ZNF516: variants seen among roughly 807,000 people sequenced by gnomAD.
ZNF516 encodes the protein zinc finger protein 516.
A neutral mutation model predicts 79.7 loss-of-function variants in ZNF516; 19 were observed. That is an observed-to-expected ratio of 0.24 (90% CI 0.17 to 0.35). ZNF516 has a LOEUF of 0.35. Among genes scored for constraint, ZNF516 ranks in the 10% least tolerant of loss-of-function variants. The pLI, the probability that ZNF516 is intolerant of heterozygous loss-of-function variation, is 1.00. For missense variants in ZNF516, 1,678 were observed against 1,679.5 expected, an observed-to-expected ratio of 1.00 and a Z score of 0.02; for synonymous variants, 877 against 739.5, an observed-to-expected ratio of 1.19 and a Z score of -3.02.
At chr18:76,399,043 T>G (rs2075183020) in intron 3 of ZNF516, among the ~76,000 whole-genome samples, 1 of 152,220 alleles carries the variant, frequency 6.6e-6, no homozygotes, top group Non-Finnish European at 1.5e-5. Context: ...GAAGGCGGAT[T>G]TCCCCGAGGC....
chr18:76,433,231 C>T (rs552734667), intron 3 of ZNF516, among the ~76,000 whole-genome samples: 1 of 152,324 alleles, frequency 6.6e-6, no homozygotes, highest in Admixed American at 6.5e-5. Context: ...GCTGAGTACT[C>T]CCGTGCAAAA....
chr18:76,442,150 G>A lies in ZNF516; in HGVS notation c.905C>T (p.Thr302Met). The A allele has an allele frequency of 6.2e-7, 1 of 1,613,928 alleles. No homozygotes were observed. The highest frequency in any genetic ancestry group is 8.5e-7 in the Non-Finnish European group (1 of 1,179,884). The change falls in exon 3 of 7, where the codon ACG becomes ATG. Residue 302 changes from threonine to methionine, a missense_variant. Around this residue, in one of 5 missense-constraint regions of ZNF516, gnomAD observed 1,294 missense variants for 1,248.3 expected, o/e 1.04. Transcript: ENST00000443185. Reference sequence around the variant, plus strand: ...ACTCTTGGGCCTGTTCTTGCTGCCCGTCTTGGGGCCGTGCGCCTTCATGTG... The same window carrying A: ...ACTCTTGGGCCTGTTCTTGCTGCCCATCTTGGGGCCGTGCGCCTTCATGTG... ...KNHMKAHGPK[T>M]GSKNRPKSEL... is the part of the protein sequence containing the mutation.
intron 3 of ZNF516, chr18:76,389,021 A>C (rs546605404): frequency 6.6e-6 from 1 of 152,490 alleles, no homozygotes; most frequent in South Asian, 2.1e-4. Context: ...GGCTTCTGGG[A>C]ACCAAGTAAT....
intron 2 of ZNF516, among the ~76,000 whole-genome samples, chr18:76,454,474 C>CT (rs1326639109): frequency 6.6e-6 from 1 of 152,172 alleles, no homozygotes; most frequent in Non-Finnish European, 1.5e-5. Context: ...AGCACATGTA[C>CT]TATAACCAGT....
At chr18:76,468,917 T>C (rs1426200059) in intron 1 of ZNF516, among the ~76,000 whole-genome samples, 1 of 152,176 alleles carries the variant, frequency 6.6e-6, no homozygotes, top group Non-Finnish European at 1.5e-5. Context: ...CTCCATTGTA[T>C]ATTATATGTC....
At chr18:76,468,621 T>C (rs531551385) in intron 1 of ZNF516, among the ~76,000 whole-genome samples, 18 of 152,180 alleles carry the variant, frequency 1.2e-4, no homozygotes, top group Non-Finnish European at 1.3e-4. Flanking sequence ...GGTTTCGCCA[T>C]GTCAGCCAGG....
At chr18:76,489,939 C>T (rs1363842961) in intron 1 of ZNF516, among the ~76,000 whole-genome samples, 2 of 152,162 alleles carry the variant, frequency 1.3e-5, no homozygotes, top group Non-Finnish European at 2.9e-5. Context: ...CATCCCCATT[C>T]CTCTTGGTTA....
At chr18:76,473,855 C>CA (rs1914011349) in intron 1 of ZNF516, among the ~76,000 whole-genome samples, 1 of 130,554 alleles carries the variant, frequency 7.7e-6, no homozygotes, top group South Asian at 2.4e-4. Context: ...GTAGAACTCA[C>CA]AAAGAAGATG....
At chr18:76,454,080 G>A (rs896166720) in intron 2 of ZNF516, among the ~76,000 whole-genome samples, 1 of 152,162 alleles carries the variant, frequency 6.6e-6, no homozygotes, top group African/African-American at 2.4e-5. Flanking sequence ...TCAAATGAAA[G>A]AAAGAACTGT....
chr18:76,435,749 G>A (rs1052478678), intron 3 of ZNF516, among the ~76,000 whole-genome samples: 1 of 152,238 alleles, frequency 6.6e-6, no homozygotes, highest in Non-Finnish European at 1.5e-5. Context: ...CTTCTCTCCA[G>A]GTAGAGCCCT....
At chr18:76,368,080 G>A (rs1425659134) in intron 6 of ZNF516, among the ~76,000 whole-genome samples, 1 of 152,092 alleles carries the variant, frequency 6.6e-6, no homozygotes, top group Non-Finnish European at 1.5e-5. Context: ...GAACATGGCT[G>A]GTAAGTATGA....
At chr18:76,400,626 C>T (rs777484910) in intron 3 of ZNF516, among the ~76,000 whole-genome samples, 48 of 152,178 alleles carry the variant, frequency 3.2e-4, no homozygotes, top group Admixed American at 3.1e-3. Context: ...ACTACGTAGG[C>T]ACGGCCTGTC....
intron 4 of ZNF516, among the ~76,000 whole-genome samples, chr18:76,371,837 G>A (rs1370288069): frequency 2.6e-5 from 4 of 152,238 alleles, no homozygotes. Flanking sequence ...CCGCCAGGCA[G>A]CACGTCGGGC....
chr18:76,398,606 ATGAAGGAATGGGGGCCTTTC>A (rs71172332), intron 3 of ZNF516, among the ~76,000 whole-genome samples: 38 of 152,300 alleles, frequency 2.5e-4, no homozygotes, highest in African/African-American at 9.1e-4. Context: ...AACACTAGTT[ATGAAGGAATGGGGGCCTTTC>A]TGAAGGAATG....
At position 76,392,111 on chromosome 18, in the gene ZNF516, G is replaced by A. The variant is rs184741622; in HGVS notation, c.1811-11808C>T. ...CAAACCAGGAAGCCAGCGCAGACTC[G>A]GCCACTGGACCAAAGAAACACAGTA... On this transcript the variant is annotated intron_variant, in intron 3 of 6. Coordinates refer to ENST00000443185, the MANE Select transcript of ZNF516 (RefSeq NM_014643.4). Among the ~76,000 whole-genome samples, 10 of 152,296 alleles carry A rather than the reference G, an allele frequency of 6.6e-5. No homozygotes were observed. The East Asian group carries it at 7.7e-4, about 12-fold the overall frequency.
chr18:76,409,129 A>G (rs989808647), intron 3 of ZNF516, among the ~76,000 whole-genome samples: 1 of 152,158 alleles, frequency 6.6e-6, no homozygotes, highest in African/African-American at 2.4e-5. Flanking sequence ...AAATATTTAC[A>G]TAGCTAAAGT....
chr18:76,485,792 A>G (rs553681982), intron 1 of ZNF516, among the ~76,000 whole-genome samples: 1 of 152,078 alleles, frequency 6.6e-6, no homozygotes, highest in South Asian at 2.1e-4. Flanking sequence ...GCCTGTAGAT[A>G]ATTCCAGGGC....
At chr18:76,386,992 C>G (rs2075002784) in intron 3 of ZNF516, 1 of 152,280 alleles carries the variant, frequency 6.6e-6, no homozygotes, top group Non-Finnish European at 1.5e-5. Context: ...GGACTGATCT[C>G]TCGGCGCTGG....
chr18:76,437,443 AT>A (rs397719015), intron 3 of ZNF516, among the ~76,000 whole-genome samples: 14 of 149,866 alleles, frequency 9.3e-5, no homozygotes, highest in East Asian at 2.0e-4. Context: ...CCTTGACCAT[AT>A]TTTTTTTTTC....
Sources: allele counts gnomAD v4.1 joint callset (sites outside exome capture counted in the v4.1 genomes callset), GRCh38; gene constraint gnomAD v4.1.1; regional missense constraint gnomAD v4.1.1; transcripts MANE v1.5; gene names NCBI Gene and HGNC (gene_info 2026-07-23, HGNC 2026-07-21).